The following PPP1R3E variants were observed in gnomAD, a reference collection of about 807,000 sequenced individuals.
PPP1R3E encodes the protein protein phosphatase 1, regulatory (inhibitor) subunit 3E.
PPP1R3E carries 20 observed loss-of-function variants against 18.5 expected under a neutral mutation model. That is an observed-to-expected ratio of 1.08 (90% CI 0.76 to 1.58). The LOEUF is 1.58. PPP1R3E is among the 40% of genes most tolerant of loss of function. PPP1R3E has a pLI of 0.00. For synonymous variants in PPP1R3E, 208 were observed against 208.1 expected (o/e 1.00, Z 0.00); for missense variants, 498 against 460.2 (o/e 1.08, Z -0.75).
chr14:23,299,934 T>TTTG (rs1886986302), intron 3 of PPP1R3E, among the ~76,000 whole-genome samples: 1 of 105,906 alleles, frequency 9.4e-6, no homozygotes, highest in Admixed American at 8.2e-5. Flanking sequence ...TTTGTTTTTT[T>TTTG]TTTTTTTTTT....
chr14:23,301,155 C>T (rs1230972939), intron 2 of PPP1R3E, 143 bp downstream of exon 2: 3 of 364,360 alleles, frequency 8.2e-6, no homozygotes, highest in Non-Finnish European at 1.5e-5. Flanking sequence ...GGTGCCGTTT[C>T]GGGTCTCCTT....
At position 23,301,405 on chromosome 14, in the gene PPP1R3E, G is replaced by A. The variant is rs1887030418; in HGVS notation, c.*31C>T. On this transcript the variant is annotated 3_prime_UTR_variant, in exon 2 of 5. Transcript: ENST00000452015. ...CGCCCCGCCCCCGGGTGCCTTTGGT[G>A]TTTTCCGCCGTCGGCCGCAGGCGCC... 1 of 1,356,066 alleles carries A rather than the reference G, an allele frequency of 7.4e-7. No individual in the cohort carries two copies. The highest frequency in any genetic ancestry group is 3.1e-5 in the East Asian group (1 of 32,684). The allele number at this position is 1,356,066 out of a possible 1,614,324, so 84.0% of individuals were successfully genotyped here. A position where few individuals can be genotyped will look rare whatever the true frequency, so the allele number is the denominator to read the frequency against.
Position 23,301,413 on chromosome 14 carries a change from C to A in PPP1R3E, c.*23G>T. 1.5e-6 allele frequency: 2 copies of A among 1,362,844 alleles called. No homozygotes were observed. The highest frequency in any genetic ancestry group is 1.6e-5 in the South Asian group (1 of 62,112). 84.4% of individuals were successfully genotyped at this position (1,362,844 alleles called of 1,614,324 possible). On this transcript the variant is annotated 3_prime_UTR_variant, in exon 2 of 5. Transcript: ENST00000452015. ...CCCCGGGTGCCTTTGGTGTTTTCCG[C>A]CGTCGGCCGCAGGCGCCTCGTCTCA... is the stretch of plus-strand genomic sequence containing the variant.
Position 23,302,179 on chromosome 14 carries a change from G to C in PPP1R3E, c.398C>G (p.Pro133Arg). Residue 133 changes from proline (P) to arginine (R), a missense_variant, in exon 1 of 5, where the codon CCC (proline) becomes CGC (arginine). Pro to Arg is a moderately radical substitution (Grantham distance 103). Transcript: ENST00000452015. ...GCCTACCTGGAGGCCGCGGGCGCGG[G>C]GCTGGCAGGGCGCGAAGTGGCGGAG... ...DALRHFAPCQ[P>R]RARGLQEARA... The C allele has an allele frequency of 7.0e-7, 1 of 1,430,344 alleles. No individual in the cohort carries two copies. The highest frequency in any genetic ancestry group is 9.1e-7 in the Non-Finnish European group (1 of 1,098,332). The allele number at this position is 1,430,344 out of a possible 1,614,324, so 88.6% of individuals were successfully genotyped here.
intron 3 of PPP1R3E, 142 bp downstream of exon 3, chr14:23,300,616 A>G (rs1887002085): frequency 6.6e-6 from 1 of 152,218 alleles, no homozygotes; most frequent in African/African-American, 2.4e-5. Context: ...CACCCCAGAA[A>G]AGTAAGGCTG....
intron 3 of PPP1R3E, 179 bp from the exon 4 acceptor site, chr14:23,299,720 A>G (rs1886972019): frequency 1.3e-5 from 2 of 152,156 alleles, no homozygotes; most frequent in South Asian, 4.1e-4. Context: ...AGAGGTTAGG[A>G]ATAGGGTAAG....
chr14:23,299,933 T>TG (rs1385447684), intron 3 of PPP1R3E, among the ~76,000 whole-genome samples: 1,609 of 108,422 alleles, frequency 0.015, 17 homozygotes, highest in Middle Eastern at 0.078. Flanking sequence ...TTTTGTTTTT[T>TG]TTTTTTTTTT....
rs948713184 is a variant in PPP1R3E, at chr14:23,297,249, A to G, written c.*2055T>C. The G allele has an allele frequency of 2.6e-5, 4 of 152,260 alleles. No individual in the cohort carries two copies. Among genetic ancestry groups the G allele is most frequent in the Admixed American group, 6.5e-5 (1 of 15,286 alleles). 9.4% of individuals were successfully genotyped at this position (152,260 alleles called of 1,614,324 possible). A position where few individuals can be genotyped will look rare whatever the true frequency, so the allele number is the denominator to read the frequency against. On this transcript the variant is annotated 3_prime_UTR_variant, in exon 5 of 5. Coordinates refer to ENST00000452015, the MANE Select transcript of PPP1R3E (RefSeq NM_001276318.2). ...TAATAGGGTGGCTGAAGATTCCGCT[A>G]AACTCCTAGTGTTCCCCGTGTCAGA...
Position 23,301,669 on chromosome 14 carries a change from C to G in PPP1R3E, c.607G>C (p.Glu203Gln). The G allele has an allele frequency of 2.3e-6, 3 of 1,314,164 alleles. 1 individual carries two copies. Among genetic ancestry groups the G allele is most frequent in the Non-Finnish European group, 9.6e-7 (1 of 1,036,792 alleles). The allele number at this position is 1,314,164 out of a possible 1,614,324, so 81.4% of individuals were successfully genotyped here. ...GGACCGGCGTAGGCGGCTGGCGCCTCGCGTTGGCTCCGCCAGCCGTCGGCG... is the reference window on the plus strand; with the variant it reads ...GGACCGGCGTAGGCGGCTGGCGCCTGGCGTTGGCTCCGCCAGCCGTCGGCG... ...WSADGWRSQR[E>Q]APAAYAGPAP... Residue 203 changes from glutamate to glutamine, a missense_variant, in exon 2 of 5, where the codon GAG becomes CAG. Coordinates refer to ENST00000452015, the MANE Select transcript of PPP1R3E (RefSeq NM_001276318.2).
Position 23,301,497 on chromosome 14 carries a change from C to T in PPP1R3E, c.779G>A (p.Gly260Glu). ...NNGGRDYALR[G>E]PEHPGSGGAP... The stretch of plus-strand genomic sequence containing the variant: ...TCCGCCACTGCCCGGGTGCTCGGGC[C>T]CACGTAGAGCATAGTCACGGCCGCC... The change falls in exon 2 of 5, where the codon GGG (glycine) becomes GAG (glutamate). Residue 260 changes from glycine to glutamate, a missense_variant. Gly to Glu is a moderately conservative substitution (Grantham distance 98). Transcript: ENST00000452015. The T allele has an allele frequency of 6.7e-7, 1 of 1,484,744 alleles. No homozygotes were observed. The allele number at this position is 1,484,744 out of a possible 1,614,324, so 92.0% of individuals were successfully genotyped here. A position where few individuals can be genotyped will look rare whatever the true frequency, so the allele number is the denominator to read the frequency against.
chr14:23,302,116 G>T, intron 1 of PPP1R3E, 44 bp downstream of exon 1: 1 of 1,388,206 alleles, frequency 7.2e-7, no homozygotes, highest in South Asian at 1.6e-5. Context: ...CGCTGCGGCC[G>T]ACTGGAGGAG....
chr14:23,299,393 C>G lies in PPP1R3E; in HGVS notation c.*386+8G>C, dbSNP rs1009842230. ...TAGTAACAGAAATGGGTGTGGGGAG[C>G]TGGTTACCTGGGAGATCCTTGTTCA... On this transcript the variant is annotated splice_region_variant and intron_variant, in intron 4 of 4. Transcript: ENST00000452015. 3.2e-5 allele frequency: 5 copies of G among 154,328 alleles called. No individual in the cohort carries two copies. The highest frequency in any genetic ancestry group is 1.2e-4 in the African/African-American group (5 of 41,498). 9.6% of individuals were successfully genotyped at this position (154,328 alleles called of 1,614,324 possible). A position where few individuals can be genotyped will look rare whatever the true frequency, so the allele number is the denominator to read the frequency against.
At position 23,301,658 on chromosome 14, in the gene PPP1R3E, G is replaced by T. The variant is rs1275733332; in HGVS notation, c.618C>A (p.Ala206=). Residue 206 remains alanine (A), a synonymous_variant, in exon 2 of 5, where the codon GCC becomes GCA. Transcript: ENST00000452015. The part of the protein sequence containing the change: ...DGWRSQREAP[A]AYAGPAPPPP... ...GGGGCGGGGCCGGACCGGCGTAGGC[G>T]GCTGGCGCCTCGCGTTGGCTCCGCC... 1 of 1,313,228 alleles carries T rather than the reference G, an allele frequency of 7.6e-7. No individual in the cohort carries two copies. The highest frequency in any genetic ancestry group is 3.9e-5 in the Admixed American group (1 of 25,698). The allele number at this position is 1,313,228 out of a possible 1,614,324, so 81.3% of individuals were successfully genotyped here.
intron 4 of PPP1R3E, among the ~76,000 whole-genome samples, chr14:23,299,136 T>C (rs1305036461): frequency 1.3e-5 from 2 of 152,132 alleles, no homozygotes; most frequent in Non-Finnish European, 2.9e-5. Context: ...CGGCTAATTT[T>C]TGTATTTTTA....
chr14:23,301,952 G>A, intron 1 of PPP1R3E, 94 bp from the exon 2 acceptor site: 3 of 1,312,086 alleles, frequency 2.3e-6, no homozygotes, highest in Non-Finnish European at 2.9e-6. Flanking sequence ...ACCAATCAGA[G>A]GCCGACCCCG....
rs1212575750 is a variant in PPP1R3E, at chr14:23,301,739, G to A, written c.537C>T (p.Arg179=). ...AGPLGVAGSA[R]VVDLAYEKRV... ...GCTTCTCGTAGGCCAGGTCCACCAC[G>A]CGCGCGCTCCCGGCCACGCCCAGCG... is the stretch of plus-strand genomic sequence containing the variant. The change falls in exon 2 of 5, where the codon CGC becomes CGT. Residue 179 remains arginine, a synonymous_variant. Transcript: ENST00000452015. 2.5e-5 allele frequency: 35 copies of A among 1,412,834 alleles called. No individual in the cohort carries two copies. Among genetic ancestry groups the A allele is most frequent in the South Asian group, 4.4e-5 (3 of 68,520 alleles). 87.5% of individuals were successfully genotyped at this position (1,412,834 alleles called of 1,614,324 possible). A position where few individuals can be genotyped will look rare whatever the true frequency, so the allele number is the denominator to read the frequency against.
rs948221658 is a variant in PPP1R3E, at chr14:23,301,613, G to C, written c.663C>G (p.Phe221Leu). 6 of 1,414,608 alleles carry C rather than the reference G, an allele frequency of 4.2e-6. No individual in the cohort carries two copies. The Admixed American group carries it at 1.6e-4, about 39-fold the overall frequency. 87.6% of individuals were successfully genotyped at this position (1,414,608 alleles called of 1,614,324 possible). Residue 221 changes from phenylalanine (F) to leucine (L), a missense_variant, in exon 2 of 5, where the codon TTC becomes TTG. Transcript: ENST00000452015. ...TCGGCGGCGCGGGCAGGCGGAAGGCGAAGCGGTCGGCGCGCGGCGGGGGCG... is the reference window on the plus strand; with the variant it reads ...TCGGCGGCGCGGGCAGGCGGAAGGCCAAGCGGTCGGCGCGCGGCGGGGGCG... ...PAPPPPRADR[F>L]AFRLPAPPIG... is the part of the protein sequence containing the mutation.
chr14:23,302,232 G>A lies in PPP1R3E; in HGVS notation c.345C>T (p.His115=), dbSNP rs752452848. 6.6e-7 allele frequency: 1 copy of A among 1,511,508 alleles called. No individual in the cohort carries two copies. The highest frequency in any genetic ancestry group is 8.8e-7 in the Non-Finnish European group (1 of 1,137,956). The allele number at this position is 1,511,508 out of a possible 1,614,324, so 93.6% of individuals were successfully genotyped here. A position where few individuals can be genotyped will look rare whatever the true frequency, so the allele number is the denominator to read the frequency against. ...CGTCCCTCTGCAATTGGATCTGCAC[G>A]TGGCGGGGCACCCGGGGCAGCTCAC... The part of the protein sequence containing the change: ...RPGELPRVPR[H]VQIQLQRDAL... Residue 115 remains histidine, a synonymous_variant, in exon 1 of 5, where the codon CAC becomes CAT. Transcript: ENST00000452015.
At chr14:23,300,951 A>C (rs1227637555) in intron 2 of PPP1R3E, 87 bp from the exon 3 acceptor site, 1 of 154,370 alleles carries the variant, frequency 6.5e-6, no homozygotes, top group Non-Finnish European at 1.4e-5. Flanking sequence ...CGGTAAGAAG[A>C]GGGAATGCGC....
Sources: gnomAD v4.1 joint callset for allele counts (sites outside exome capture counted in the v4.1 genomes callset) on GRCh38, gnomAD v4.1.1 for gene constraint, MANE v1.5 for transcripts, NCBI Gene and HGNC (gene_info 2026-07-23, HGNC 2026-07-21) for gene names.